IGSF3: variants seen among roughly 807,000 people sequenced by gnomAD.
IGSF3 encodes glu-Trp-Ile EWI motif-containing protein 3.
Under a neutral mutation model 114.4 loss-of-function variants are expected in IGSF3, and 23 were observed. That is an observed-to-expected ratio of 0.20 (90% CI 0.14 to 0.28). The LOEUF is 0.28. IGSF3 is among the 10% of genes least tolerant of loss of function. The pLI is 1.00. For synonymous variants in IGSF3, 571 were observed against 645.2 expected, an observed-to-expected ratio of 0.88 and a Z score of 1.74; for missense variants, 1,172 against 1,591.5, an observed-to-expected ratio of 0.74 and a Z score of 4.48.
Position 116,648,853 on chromosome 1 carries a change from G to A in IGSF3, c.43+17431C>T, listed in dbSNP as rs1199885300. The stretch of plus-strand genomic sequence containing the variant: ...TGGCATTCTGGTGCCTGTGGAGAGA[G>A]CAGCCTTCTCACCAGCACAGCTCAT... On this transcript the variant is annotated intron_variant, in intron 2 of 10. Transcript: ENST00000369486. This position sits in a 1 kb window ranked among gnomAD's most constrained non-coding sequence, Gnocchi z 4.7. Among the ~76,000 whole-genome samples, 1 of 152,128 alleles carries A rather than the reference G, an allele frequency of 6.6e-6. No individual in the cohort carries two copies. The highest frequency in any genetic ancestry group is 1.5e-5 in the Non-Finnish European group (1 of 68,026).
chr1:116,655,406 C>T lies in IGSF3; in HGVS notation c.43+10878G>A, dbSNP rs1271651514. On this transcript the variant is annotated intron_variant, in intron 2 of 10. Coordinates refer to ENST00000369486, the MANE Select transcript of IGSF3 (RefSeq NM_001007237.3). This position sits in a 1 kb window ranked among gnomAD's most constrained non-coding sequence, Gnocchi z 4.3. ...CCAAAAGAACAACTATTTTAAAAATCAGGTCTAAAGGTGAGCCATCCAAGA... is the reference window on the plus strand; with the variant it reads ...CCAAAAGAACAACTATTTTAAAAATTAGGTCTAAAGGTGAGCCATCCAAGA... Among the ~76,000 whole-genome samples, 13 of 152,182 alleles carry T rather than the reference C, an allele frequency of 8.5e-5. No individual in the cohort carries two copies. Among genetic ancestry groups the T allele is most frequent in the Non-Finnish European group, 1.6e-4 (11 of 68,040 alleles).
chr1:116,622,597 T>C (rs1661459160), intron 2 of IGSF3, among the ~76,000 whole-genome samples: 1 of 152,186 alleles, frequency 6.6e-6, no homozygotes, highest in Non-Finnish European at 1.5e-5. Context: ...TTCTCTATTA[T>C]CTCCTTTTTT....
chr1:116,655,671 C>T lies in IGSF3; in HGVS notation c.43+10613G>A, dbSNP rs370395685. On this transcript the variant is annotated intron_variant, in intron 2 of 10. Transcript: ENST00000369486. The surrounding 1 kb of genome is among the most constrained non-coding windows in gnomAD (Gnocchi z 4.3). ...GAGTCACTTGGGAATTGAAAACACA[C>T]GAAAACTTTTTTTCTGGTCCATGAA... Among the ~76,000 whole-genome samples the T allele has an allele frequency of 2.0e-4, 31 of 152,136 alleles. No homozygotes were observed. Among genetic ancestry groups the T allele is most frequent in the Non-Finnish European group, 3.2e-4 (22 of 68,034 alleles).
rs755458029 is a variant in IGSF3, at chr1:116,629,584, G to C, written c.44-13127C>G. On this transcript the variant is annotated intron_variant, in intron 2 of 10. Coordinates refer to ENST00000369486, the MANE Select transcript of IGSF3 (RefSeq NM_001007237.3). The surrounding 1 kb of genome is among the most constrained non-coding windows in gnomAD (Gnocchi z 4.3). ...GGGAGGTGGCCAAGGAGCCTGAAGT[G>C]GGGGAGGGGGGCTGATGTGAAATAG... Among the ~76,000 whole-genome samples, 9 of 152,288 alleles carry C rather than the reference G, an allele frequency of 5.9e-5. No individual in the cohort carries two copies. The highest frequency in any genetic ancestry group is 4.1e-4 in the South Asian group (2 of 4,826).
At position 116,593,696 on chromosome 1, in the gene IGSF3, C is replaced by T. The variant is rs1169348730; in HGVS notation, c.2030-4592G>A. 1.3e-5 allele frequency among the ~76,000 whole-genome samples: 2 copies of T among 152,182 alleles called. No homozygotes were observed. The highest frequency in any genetic ancestry group is 2.9e-5 in the Non-Finnish European group (2 of 68,036). ...TTGTAATTGGCCTGCATATGACACT[C>T]CCTCCCTCTCAGCCTAGCCACAGCC... On this transcript the variant is annotated intron_variant, in intron 7 of 10. Coordinates refer to ENST00000369486, the MANE Select transcript of IGSF3 (RefSeq NM_001007237.3). The surrounding 1 kb of genome is among the most constrained non-coding windows in gnomAD (Gnocchi z 4.5).
At chr1:116,635,615 GA>G (rs1647792567) in intron 2 of IGSF3, among the ~76,000 whole-genome samples, 1 of 152,236 alleles carries the variant, frequency 6.6e-6, no homozygotes, top group African/African-American at 2.4e-5. Context: ...GGCTGTTTAA[GA>G]AAAGGCTTAA....
chr1:116,613,910 G>C lies in IGSF3; in HGVS notation c.687C>G (p.Phe229Leu). ...GCTGCAGGTGGAAGATGGTGAGGCG[G>C]AAGGTGGTCCTCCCCAGCTTGTCCA... ...VRLDKLGRTTFRLTIFHLQPS... is the reference protein window; with the variant it reads ...VRLDKLGRTTLRLTIFHLQPS... The change falls in exon 4 of 11, where the codon TTC becomes TTG. Residue 229 changes from phenylalanine to leucine, a missense_variant. By Grantham distance (22) the Phe-to-Leu change is conservative. Transcript: ENST00000369486. 6.2e-7 allele frequency: 1 copy of C among 1,613,978 alleles called. No homozygotes were observed. The highest frequency in any genetic ancestry group is 8.5e-7 in the Non-Finnish European group (1 of 1,179,864).
At chr1:116,608,895 A>G (rs1660905635) in intron 4 of IGSF3, among the ~76,000 whole-genome samples, 1 of 152,174 alleles carries the variant, frequency 6.6e-6, no homozygotes. Flanking sequence ...AATAAGATGT[A>G]GGTATGACAA....
chr1:116,584,216 A>G lies in IGSF3; in HGVS notation c.2848+429T>C, dbSNP rs1243243153. Among the ~76,000 whole-genome samples, 1 of 151,998 alleles carries G rather than the reference A, an allele frequency of 6.6e-6. No individual in the cohort carries two copies. Among genetic ancestry groups the G allele is most frequent in the Admixed American group, 6.6e-5 (1 of 15,266 alleles). On this transcript the variant is annotated intron_variant, in intron 9 of 10. Coordinates refer to ENST00000369486, the MANE Select transcript of IGSF3 (RefSeq NM_001007237.3). The surrounding 1 kb of genome is among the most constrained non-coding windows in gnomAD (Gnocchi z 5.8). Reference sequence around the variant, plus strand: ...GTTTCAAAAAAAAAAAAGTATTGGGAAGTGACAGAGTGAAGGCTGCACACA... The same window carrying G: ...GTTTCAAAAAAAAAAAAGTATTGGGGAGTGACAGAGTGAAGGCTGCACACA...
chr1:116,578,123 T>C (rs1323566913), intron 10 of IGSF3, among the ~76,000 whole-genome samples: 2 of 152,216 alleles, frequency 1.3e-5, no homozygotes, highest in African/African-American at 4.8e-5. Context: ...GTATTAGTTA[T>C]AGCTGGATAT....
chr1:116,608,390 A>G lies in IGSF3; in HGVS notation c.833-59T>C, dbSNP rs1444115973. On this transcript the variant is annotated intron_variant, in intron 4 of 10. Transcript: ENST00000369486. ...GGGTGAATGAGGGCCCCAGCCAACT[A>G]AACCACATTAGCACATTCCCACTAT... The G allele has an allele frequency of 2.4e-6, 3 of 1,254,628 alleles. No individual in the cohort carries two copies. The East Asian group carries it at 7.0e-5, about 29-fold the overall frequency. The allele number at this position is 1,254,628 out of a possible 1,614,324, so 77.7% of individuals were successfully genotyped here.
At position 116,655,595 on chromosome 1, in the gene IGSF3, C is replaced by A. The variant is rs546472964; in HGVS notation, c.43+10689G>T. ...GGGTTAAAGTCTTAAATGCTGAGCC[C>A]GTAGCCAGCAACCTTAAAGGCTACT... On this transcript the variant is annotated intron_variant, in intron 2 of 10. Transcript: ENST00000369486. The surrounding 1 kb of genome is among the most constrained non-coding windows in gnomAD (Gnocchi z 4.3). 6.6e-6 allele frequency among the ~76,000 whole-genome samples: 1 copy of A among 152,240 alleles called. No individual in the cohort carries two copies. The highest frequency in any genetic ancestry group is 6.5e-5 in the Admixed American group (1 of 15,296).
chr1:116,607,638 G>A lies in IGSF3; in HGVS notation c.1222+304C>T, dbSNP rs1344261775. 6.6e-6 allele frequency among the ~76,000 whole-genome samples: 1 copy of A among 152,154 alleles called. No individual in the cohort carries two copies. The highest frequency in any genetic ancestry group is 1.5e-5 in the Non-Finnish European group (1 of 68,028). On this transcript the variant is annotated intron_variant, in intron 5 of 10. Coordinates refer to ENST00000369486, the MANE Select transcript of IGSF3 (RefSeq NM_001007237.3). This position sits in a 1 kb window ranked among gnomAD's most constrained non-coding sequence, Gnocchi z 6.1. Reference sequence around the variant, plus strand: ...TCTGGGATTCCTGGTTTCCCTCCAAGCTGAGCTGGCACTGCTTGTGTATGC... The same window carrying A: ...TCTGGGATTCCTGGTTTCCCTCCAAACTGAGCTGGCACTGCTTGTGTATGC...
Position 116,588,976 on chromosome 1 carries a change from G to A in IGSF3, c.2158C>T (p.His720Tyr). ...NSHFAVLWYV[H>Y]KPSDADGKLI... ...TTGCCATCGGCATCCGAGGGCTTGTGGACATACCAGAGCACCGCAAAGTGG... is the reference window on the plus strand; with the variant it reads ...TTGCCATCGGCATCCGAGGGCTTGTAGACATACCAGAGCACCGCAAAGTGG... The change falls in exon 8 of 11, where the codon CAC becomes TAC. Residue 720 changes from histidine (H) to tyrosine (Y), a missense_variant. This residue lies in a region of IGSF3 where 736 missense variants were observed against 1,042.0 expected (regional missense o/e 0.71). Transcript: ENST00000369486. This position sits in a 1 kb window ranked among gnomAD's most constrained non-coding sequence, Gnocchi z 4.9. 1 of 1,614,210 alleles carries A rather than the reference G, an allele frequency of 6.2e-7. No homozygotes were observed. The highest frequency in any genetic ancestry group is 2.2e-5 in the East Asian group (1 of 44,882).
At chr1:116,619,778 T>C (rs1483131331) in intron 2 of IGSF3, among the ~76,000 whole-genome samples, 5 of 152,180 alleles carry the variant, frequency 3.3e-5, no homozygotes, top group Non-Finnish European at 5.9e-5. Context: ...ATCTTTTTTT[T>C]TTAAATAACT....
At chr1:116,643,044 T>A (rs1460486110) in intron 2 of IGSF3, among the ~76,000 whole-genome samples, 1 of 152,214 alleles carries the variant, frequency 6.6e-6, no homozygotes, top group Non-Finnish European at 1.5e-5. Flanking sequence ...GCTCTATCTA[T>A]GCCTGCACTT....
chr1:116,636,796 C>T lies in IGSF3; in HGVS notation c.44-20339G>A, dbSNP rs1209428822. Among the ~76,000 whole-genome samples, 4 of 152,250 alleles carry T rather than the reference C, an allele frequency of 2.6e-5. No individual in the cohort carries two copies. Among genetic ancestry groups the T allele is most frequent in the East Asian group, 1.9e-4 (1 of 5,180 alleles). On this transcript the variant is annotated intron_variant, in intron 2 of 10. Coordinates refer to ENST00000369486, the MANE Select transcript of IGSF3 (RefSeq NM_001007237.3). This position sits in a 1 kb window ranked among gnomAD's most constrained non-coding sequence, Gnocchi z 4.5. ...CCACACTCCAAAGACAGCATCTCCG[C>T]GAGAAGTGTTGGGCAGTGTCCAGGA... is the stretch of plus-strand genomic sequence containing the variant.
chr1:116,643,126 CA>C (rs1183134394), intron 2 of IGSF3, among the ~76,000 whole-genome samples: 1 of 152,214 alleles, frequency 6.6e-6, no homozygotes, highest in Non-Finnish European at 1.5e-5. Context: ...TGTTGAGTCT[CA>C]TTCCCCAAAC....
In IGSF3 at chr1:116,600,558, C is replaced by T. The variant is rs574510220; in HGVS notation, c.1625-213G>A. Among the ~76,000 whole-genome samples, 1 of 151,792 alleles carries T rather than the reference C, an allele frequency of 6.6e-6. No homozygotes were observed. The highest frequency in any genetic ancestry group is 2.4e-5 in the African/African-American group (1 of 41,068). Reference sequence around the variant, plus strand: ...TCCAAAGAAAGGCCCACCACAATTCCCCCTGAGCAGCACTAGCCTAACCCT... The same window carrying T: ...TCCAAAGAAAGGCCCACCACAATTCTCCCTGAGCAGCACTAGCCTAACCCT... On this transcript the variant is annotated intron_variant, in intron 6 of 10. Coordinates refer to ENST00000369486, the MANE Select transcript of IGSF3 (RefSeq NM_001007237.3). This position sits in a 1 kb window ranked among gnomAD's most constrained non-coding sequence, Gnocchi z 5.5.
Sources: allele counts gnomAD v4.1 joint callset (sites outside exome capture counted in the v4.1 genomes callset), GRCh38; gene constraint gnomAD v4.1.1; regional missense constraint gnomAD v4.1.1; non-coding constraint Gnocchi (gnomAD v3.1); transcripts MANE v1.5; gene names NCBI Gene and HGNC (gene_info 2026-07-23, HGNC 2026-07-21).